SNX29: variants seen among roughly 807,000 people sequenced by gnomAD.
SNX29 encodes sorting nexin 29.
A neutral mutation model predicts 102.1 loss-of-function variants in SNX29; 78 were observed. That is an observed-to-expected ratio of 0.76 (90% confidence interval 0.64 to 0.92). SNX29 has a LOEUF of 0.92. Among genes scored for constraint, SNX29 ranks in the 40% least tolerant of loss-of-function variants. The probability of loss-of-function intolerance (pLI) is 0.00; values close to 1 mark genes in which losing one functional copy is unlikely to be tolerated. For synonymous variants in SNX29, 580 were observed against 414.5 expected, an observed-to-expected ratio of 1.40 and a Z score of -4.85; for missense variants, 1,280 against 1,061.7, an observed-to-expected ratio of 1.21 and a Z score of -2.86.
chr16:12,246,095 C>T (rs144383631), intron 14 of SNX29, among the ~76,000 whole-genome samples: 1 of 152,264 alleles, frequency 6.6e-6, no homozygotes, highest in East Asian at 1.9e-4. Flanking sequence ...TATTACTTCC[C>T]ACATAAAGCA....
At chr16:12,008,558 C>G (rs749875318) in intron 3 of SNX29, among the ~76,000 whole-genome samples, 1 of 150,684 alleles carries the variant, frequency 6.6e-6, no homozygotes, top group Middle Eastern at 3.4e-3. Context: ...CATGAGCCAC[C>G]GCACCCGGCC....
In SNX29 at chr16:12,050,896, T is replaced by C. The variant is rs1206813216; in HGVS notation, c.749-951T>C. On this transcript the variant is annotated intron_variant, in intron 7 of 20. Coordinates refer to ENST00000566228, the MANE Select transcript of SNX29 (RefSeq NM_032167.5). ...CCAACTAATTTTTTTTTTTTTTGTATTTTTAATACAGACGGGGTTTCACCA... is the reference window on the plus strand; with the variant it reads ...CCAACTAATTTTTTTTTTTTTTGTACTTTTAATACAGACGGGGTTTCACCA... 3.3e-5 allele frequency among the ~76,000 whole-genome samples: 5 copies of C among 152,090 alleles called. No homozygotes were observed. In the East Asian group the frequency reaches 9.7e-4, roughly 29 times the overall value.
At chr16:12,130,519 A>C (rs1414546037) in intron 13 of SNX29, among the ~76,000 whole-genome samples, 1 of 152,016 alleles carries the variant, frequency 6.6e-6, no homozygotes, top group Non-Finnish European at 1.5e-5. Context: ...AAAGCAAAAA[A>C]AGTGTGTATT....
At chr16:12,111,935 C>T (rs549967390) in intron 11 of SNX29, among the ~76,000 whole-genome samples, 3 of 152,254 alleles carry the variant, frequency 2.0e-5, no homozygotes, top group African/African-American at 7.2e-5. Context: ...CACTGCATAG[C>T]AGTGAAATGC....
At chr16:12,208,440 G>C (rs937852780) in intron 14 of SNX29, among the ~76,000 whole-genome samples, 1 of 152,168 alleles carries the variant, frequency 6.6e-6, no homozygotes, top group Non-Finnish European at 1.5e-5. Context: ...TAGGTTGTGA[G>C]GATCTATGGT....
At chr16:12,247,274 A>G (rs1049021155) in intron 14 of SNX29, among the ~76,000 whole-genome samples, 1 of 152,072 alleles carries the variant, frequency 6.6e-6, no homozygotes, top group African/African-American at 2.4e-5. Context: ...AATAAGTTCA[A>G]AGGGTATGGG....
chr16:12,395,351 G>C (rs2083681846), intron 16 of SNX29, among the ~76,000 whole-genome samples: 2 of 152,194 alleles, frequency 1.3e-5, no homozygotes, highest in Non-Finnish European at 2.9e-5. Flanking sequence ...AGGAAATCCT[G>C]AGTCAGAGGA....
intron 15 of SNX29, among the ~76,000 whole-genome samples, chr16:12,308,563 C>T (rs766302027): frequency 1.3e-5 from 2 of 152,120 alleles, no homozygotes; most frequent in Non-Finnish European, 2.9e-5. Flanking sequence ...GTTGTGCACT[C>T]CTCCGGAGTG....
chr16:12,356,404 C>CT, intron 16 of SNX29, 125 bp downstream of exon 16: 4 of 746,588 alleles, frequency 5.4e-6, no homozygotes, highest in Non-Finnish European at 8.6e-6. Flanking sequence ...ACATTCACCT[C>CT]TGCCACATTT....
chr16:12,184,243 G>C lies in SNX29; in HGVS notation c.1596-15358G>C, dbSNP rs765161336. ...ATACGGTTCATATTCACGGTTCCCT[G>C]ATTGTTCCTAAAGTGTCTTTTATAG... On this transcript the variant is annotated intron_variant, in intron 13 of 20. Transcript: ENST00000566228. Among the ~76,000 whole-genome samples, 4 of 152,146 alleles carry C rather than the reference G, an allele frequency of 2.6e-5. No homozygotes were observed. In the South Asian group the frequency reaches 8.3e-4, roughly 32 times the overall value.
chr16:12,406,752 A>G lies in SNX29; in HGVS notation c.2037+3223A>G, dbSNP rs868598438. ...GTGAAACCCCATCTCTACTAAAAAT[A>G]CAAAAATTAGCTGAGCGTTGCTGTT... On this transcript the variant is annotated intron_variant, in intron 18 of 20. Transcript: ENST00000566228. Among the ~76,000 whole-genome samples the G allele has an allele frequency of 1.8e-4, 28 of 152,318 alleles. 1 individual carries two copies. The Middle Eastern group carries it at 0.01, about 56-fold the overall frequency.
chr16:12,446,818 T>A (rs1467262230), intron 18 of SNX29, among the ~76,000 whole-genome samples: 1 of 152,174 alleles, frequency 6.6e-6, no homozygotes, highest in African/African-American at 2.4e-5. Flanking sequence ...TTTTATTAAC[T>A]GGATCCCAAC....
At chr16:12,382,131 C>A (rs1216158711) in intron 16 of SNX29, among the ~76,000 whole-genome samples, 1 of 152,126 alleles carries the variant, frequency 6.6e-6, no homozygotes, top group Non-Finnish European at 1.5e-5. Flanking sequence ...CCCTATTTGA[C>A]CCCTACCTCT....
chr16:12,428,446 ATCT>A (rs147076229), intron 18 of SNX29, among the ~76,000 whole-genome samples: 2,452 of 152,350 alleles, frequency 0.016, 72 homozygotes, highest in African/African-American at 0.056. Context: ...AAAGTAGTAC[ATCT>A]TCTTTATAGA....
intron 20 of SNX29, among the ~76,000 whole-genome samples, chr16:12,540,272 G>A (rs1398579655): frequency 6.6e-6 from 1 of 152,190 alleles, no homozygotes; most frequent in African/African-American, 2.4e-5. Context: ...TCAAGTGGAG[G>A]GAGGACAGGA....
At chr16:12,202,814 A>G (rs573655658) in intron 14 of SNX29, among the ~76,000 whole-genome samples, 1 of 152,392 alleles carries the variant, frequency 6.6e-6, no homozygotes, top group African/African-American at 2.4e-5. Context: ...CTGCCTGCAG[A>G]GAGGCCCCTT....
At chr16:12,084,710 C>T (rs1481748605) in intron 11 of SNX29, among the ~76,000 whole-genome samples, 2 of 152,092 alleles carry the variant, frequency 1.3e-5, no homozygotes, top group Non-Finnish European at 2.9e-5. Flanking sequence ...GATCAACACC[C>T]AAATCATGGG....
chr16:12,380,303 A>T (rs1450757623), intron 16 of SNX29, among the ~76,000 whole-genome samples: 1 of 146,688 alleles, frequency 6.8e-6, no homozygotes. Context: ...CCCAACACCC[A>T]ACCACCCACC....
At chr16:12,541,178 A>C (rs977265614) in intron 20 of SNX29, among the ~76,000 whole-genome samples, 3 of 152,180 alleles carry the variant, frequency 2.0e-5, no homozygotes, top group Non-Finnish European at 2.9e-5. Context: ...CCTCTTCCTC[A>C]GTATTGTCTA....
Sources: gnomAD v4.1 joint callset for allele counts (sites outside exome capture counted in the v4.1 genomes callset) on GRCh38, gnomAD v4.1.1 for gene constraint, MANE v1.5 for transcripts, NCBI Gene and HGNC (gene_info 2026-07-23, HGNC 2026-07-21) for gene names.